KCNN2: variants seen among roughly 807,000 people sequenced by gnomAD.
KCNN2 encodes the protein small conductance calcium-activated potassium channel protein 2.
A neutral mutation model predicts 55.5 loss-of-function variants in KCNN2; 24 were observed. That is an observed-to-expected ratio of 0.43 (90% confidence interval 0.31 to 0.61). The LOEUF is 0.61. KCNN2 is among the 20% of genes least tolerant of loss of function. The pLI is 0.08. For missense variants in KCNN2, 754 were observed against 853.6 expected (o/e 0.88, Z 1.45); for synonymous variants, 431 against 336.1 (o/e 1.28, Z -3.09).
intron 1 of KCNN2, among the ~76,000 whole-genome samples, chr5:114,127,067 C>G (rs1163096764): frequency 6.6e-6 from 1 of 152,296 alleles, no homozygotes; most frequent in East Asian, 1.9e-4. Flanking sequence ...CAGGGTACAG[C>G]CTCCCTTCCG....
intron 2 of KCNN2, among the ~76,000 whole-genome samples, chr5:114,310,706 G>A (rs1026090338): frequency 6.6e-5 from 10 of 152,090 alleles, no homozygotes; most frequent in Non-Finnish European, 1.3e-4. Context: ...AAGTTCTTAG[G>A]AAGGTGACAC....
intron 2 of KCNN2, among the ~76,000 whole-genome samples, chr5:114,310,984 C>T (rs1209656700): frequency 6.6e-6 from 1 of 152,106 alleles, no homozygotes; most frequent in Admixed American, 6.6e-5. Flanking sequence ...TTTGCTGCCT[C>T]TTGACAGTTT....
intron 3 of KCNN2, among the ~76,000 whole-genome samples, chr5:114,450,514 G>A (rs1446696323): frequency 1.3e-5 from 2 of 152,172 alleles, no homozygotes; most frequent in African/African-American, 2.4e-5. Context: ...ACATTGTTCT[G>A]GATTTTGATA....
chr5:114,112,400 C>T (rs1457094839), intron 1 of KCNN2, among the ~76,000 whole-genome samples: 1 of 152,104 alleles, frequency 6.6e-6, no homozygotes, highest in Non-Finnish European at 1.5e-5. Context: ...CTGGGTGCAG[C>T]AAACCAACAT....
intron 4 of KCNN2, among the ~76,000 whole-genome samples, chr5:114,464,541 G>A (rs968386651): frequency 2.0e-5 from 3 of 152,300 alleles, no homozygotes; most frequent in South Asian, 2.1e-4. Context: ...TGCAGAAGCT[G>A]CCTGGGAAGA....
At chr5:114,219,800 C>A in intron 1 of KCNN2, among the ~76,000 whole-genome samples, 1 of 152,058 alleles carries the variant, frequency 6.6e-6, no homozygotes, top group Non-Finnish European at 1.5e-5. Flanking sequence ...ACCTTCCTAT[C>A]AGTTTTACTG....
At chr5:114,344,642 T>C (rs1757076452) in intron 2 of KCNN2, among the ~76,000 whole-genome samples, 1 of 152,186 alleles carries the variant, frequency 6.6e-6, no homozygotes, top group Non-Finnish European at 1.5e-5. Flanking sequence ...GTCACCTCTT[T>C]AGCCCAAACT....
intron 4 of KCNN2, among the ~76,000 whole-genome samples, chr5:114,470,744 T>TATAAGAATTTTGACCCTCTTGTTTTA (rs1761691743): frequency 6.6e-6 from 1 of 152,224 alleles, no homozygotes; most frequent in Admixed American, 6.5e-5. Context: ...AAATGACTCT[T>TATAAGAATTTTGACCCTCTTGTTTTA]ATAAGAATTT....
chr5:114,056,554 AGCC>A (rs1750213118), intron 1 of KCNN2: 3 of 396,870 alleles, frequency 7.6e-6, no homozygotes, highest in Non-Finnish European at 1.3e-5. Flanking sequence ...AATGGGGACC[AGCC>A]TCCCCTAGGG....
chr5:114,383,966 C>CT (rs1437018866), intron 2 of KCNN2, among the ~76,000 whole-genome samples: 1 of 152,174 alleles, frequency 6.6e-6, no homozygotes, highest in Non-Finnish European at 1.5e-5. Flanking sequence ...AAGCACTATG[C>CT]TAGGTACATT....
chr5:114,330,654 C>T (rs1402913375), intron 2 of KCNN2, among the ~76,000 whole-genome samples: 7 of 152,192 alleles, frequency 4.6e-5, no homozygotes, highest in Admixed American at 4.6e-4. Context: ...GAGCACACTG[C>T]TCTCAATCTG....
intron 1 of KCNN2, among the ~76,000 whole-genome samples, chr5:114,075,973 T>A (rs1395691892): frequency 6.6e-6 from 1 of 152,190 alleles, no homozygotes; most frequent in Non-Finnish European, 1.5e-5. Flanking sequence ...CCAGGCTAAA[T>A]TGTGAGCCAA....
intron 2 of KCNN2, among the ~76,000 whole-genome samples, chr5:114,262,038 G>T (rs1030141989): frequency 1.8e-4 from 28 of 152,282 alleles, no homozygotes; most frequent in African/African-American, 6.7e-4. Flanking sequence ...TTTATTAAGA[G>T]AAATCTGAGA....
intron 1 of KCNN2, among the ~76,000 whole-genome samples, chr5:114,112,499 A>T (rs1223935570): frequency 1.3e-5 from 2 of 152,038 alleles, no homozygotes; most frequent in East Asian, 3.9e-4. Flanking sequence ...AATAAATAAA[A>T]AGGCTTCTGG....
chr5:114,106,643 G>GTTTTTTTTTT (rs149036166), intron 1 of KCNN2, among the ~76,000 whole-genome samples: 25 of 69,902 alleles, frequency 3.6e-4, no homozygotes, highest in Non-Finnish European at 6.3e-4. Flanking sequence ...TTTTCCAGTT[G>GTTTTTTTTTT]TTTTTTTTTT....
At chr5:114,398,439 G>A (rs191192463) in intron 2 of KCNN2, among the ~76,000 whole-genome samples, 10 of 149,698 alleles carry the variant, frequency 6.7e-5, no homozygotes, top group Non-Finnish European at 1.5e-4. Context: ...CTGTAGCCTT[G>A]TAGTATAGTT....
intron 1 of KCNN2, among the ~76,000 whole-genome samples, chr5:114,172,887 TC>T (rs1330109196): frequency 1.3e-5 from 2 of 151,926 alleles, no homozygotes; most frequent in Non-Finnish European, 2.9e-5. Context: ...GTGGGTTGTC[TC>T]TTCACTTTGT....
intron 2 of KCNN2, among the ~76,000 whole-genome samples, chr5:114,239,639 A>AT (rs1374570418): frequency 6.6e-6 from 1 of 152,106 alleles, no homozygotes; most frequent in African/African-American, 2.4e-5. Context: ...ATCCTTTAGT[A>AT]TTTTTTGTCT....
At chr5:114,229,493 G>C (rs4705494) in intron 2 of KCNN2, among the ~76,000 whole-genome samples, 39 of 151,794 alleles carry the variant, frequency 2.6e-4, no homozygotes, top group Admixed American at 3.3e-4. Flanking sequence ...TTTCAAATGT[G>C]TGAAAATTCT....
Sources: allele counts gnomAD v4.1 joint callset (sites outside exome capture counted in the v4.1 genomes callset), GRCh38; gene constraint gnomAD v4.1.1; transcripts MANE v1.5; gene names NCBI Gene and HGNC (gene_info 2026-07-23, HGNC 2026-07-21).